RTN1: variants seen among roughly 807,000 people sequenced by gnomAD.
RTN1 encodes reticulon-1.
Under a neutral mutation model 65.5 loss-of-function variants are expected in RTN1, and 25 were observed. The observed-to-expected ratio is 0.38, with a 90% CI of 0.28 to 0.53. The LOEUF (loss-of-function observed/expected upper bound fraction) is 0.53, where lower values mean the gene tolerates loss of function less well. Among genes scored for constraint, RTN1 ranks in the 20% least tolerant of loss-of-function variants. RTN1 has a pLI of 0.79. For missense variants in RTN1, 983 were observed against 1,025.4 expected, an observed-to-expected ratio of 0.96 and a Z score of 0.57; for synonymous variants, 471 against 447.6, an observed-to-expected ratio of 1.05 and a Z score of -0.66.
At chr14:59,659,473 T>C (rs1296285274) in intron 3 of RTN1, among the ~76,000 whole-genome samples, 8 of 151,862 alleles carry the variant, frequency 5.3e-5, no homozygotes, top group South Asian at 4.2e-4. Flanking sequence ...GGAGAAAATG[T>C]TAAGGGCAGC....
At chr14:59,611,902 T>A (rs1227158132) in intron 3 of RTN1, among the ~76,000 whole-genome samples, 1 of 152,164 alleles carries the variant, frequency 6.6e-6, no homozygotes, top group Non-Finnish European at 1.5e-5. Flanking sequence ...CCAGCAGGCC[T>A]AACTCAGGGA....
At chr14:59,853,343 T>C (rs1175981997) in intron 1 of RTN1, among the ~76,000 whole-genome samples, 1 of 152,212 alleles carries the variant, frequency 6.6e-6, no homozygotes, top group Non-Finnish European at 1.5e-5. Flanking sequence ...CTCTGATGAA[T>C]ACTGAGCTCT....
Position 59,749,266 on chromosome 14 carries a change from CTATATATATA to C in RTN1, c.242-2795_242-2786del, listed in dbSNP as rs796334225. Among the ~76,000 whole-genome samples, 2 of 19,828 alleles carry C rather than the reference CTATATATATA, an allele frequency of 1.0e-4. 1 individual carries two copies. The highest frequency in any genetic ancestry group is 7.2e-4 in the African/African-American group (2 of 2,780). 13.0% of individuals were successfully genotyped at this position (19,828 alleles called of 152,430 possible). A position where few individuals can be genotyped will look rare whatever the true frequency, so the allele number is the denominator to read the frequency against. On this transcript the variant is annotated intron_variant, in intron 1 of 8. Coordinates refer to ENST00000267484, the MANE Select transcript of RTN1 (RefSeq NM_021136.3). The stretch of plus-strand genomic sequence containing the variant: ...TATATATCTATATATCTATATATAT[CTATATATATA>C]TCTATATATATCTATATATATCTAT...
At chr14:59,733,438 G>T (rs1180662536) in intron 2 of RTN1, among the ~76,000 whole-genome samples, 1 of 152,164 alleles carries the variant, frequency 6.6e-6, no homozygotes, top group Non-Finnish European at 1.5e-5. Context: ...TCCGCACTAG[G>T]CGAGGCCTCC....
Position 59,727,279 on chromosome 14 carries a change from C to G in RTN1, c.1405G>C (p.Glu469Gln). 6.6e-7 allele frequency: 1 copy of G among 1,503,808 alleles called. No individual in the cohort carries two copies. The highest frequency in any genetic ancestry group is 8.9e-7 in the Non-Finnish European group (1 of 1,125,460). 93.2% of individuals were successfully genotyped at this position (1,503,808 alleles called of 1,614,324 possible). A position where few individuals can be genotyped will look rare whatever the true frequency, so the allele number is the denominator to read the frequency against. The change falls in exon 3 of 9, where the codon GAG (glutamate) becomes CAG (glutamine). Residue 469 changes from glutamate (E) to glutamine (Q), a missense_variant. Coordinates refer to ENST00000267484, the MANE Select transcript of RTN1 (RefSeq NM_021136.3). This position sits in a 1 kb window ranked among gnomAD's most constrained non-coding sequence, Gnocchi z 4.2. ...GAGGCCGAGGAGGCGTCGCACGACT[C>G]GATGATGAGCTCGCTGTCCAGCTCG... ...EAELDSELII[E>Q]SCDASSASEE...
At chr14:59,723,524 G>A (rs977615259) in intron 3 of RTN1, among the ~76,000 whole-genome samples, 1 of 152,130 alleles carries the variant, frequency 6.6e-6, no homozygotes, top group Admixed American at 6.5e-5. Flanking sequence ...GGCTGAGACA[G>A]TAGAATGGCG....
chr14:59,613,348 G>C (rs1270627994), intron 3 of RTN1, among the ~76,000 whole-genome samples: 2 of 152,128 alleles, frequency 1.3e-5, no homozygotes, highest in African/African-American at 4.8e-5. Flanking sequence ...GCCCAGTCTG[G>C]AGTGCAGTGG....
At chr14:59,694,470 C>T (rs1489583122) in intron 3 of RTN1, among the ~76,000 whole-genome samples, 1 of 152,166 alleles carries the variant, frequency 6.6e-6, no homozygotes, top group Non-Finnish European at 1.5e-5. Context: ...AGAGATTTAT[C>T]ACAATATATT....
Position 59,870,243 on chromosome 14 carries a change from TC to T in RTN1, c.241+146del. On this transcript the variant is annotated intron_variant, in intron 1 of 8. Transcript: ENST00000267484. The surrounding 1 kb of genome is among the most constrained non-coding windows in gnomAD (Gnocchi z 5.1). Reference sequence around the variant, plus strand: ...TTGTTTTCTACCAGCCCGCGAATATTCCCAGTCGCCCGTGGCGACGCGGGGG... The same window carrying T: ...TTGTTTTCTACCAGCCCGCGAATATTCCAGTCGCCCGTGGCGACGCGGGGG... 1.4e-6 allele frequency: 1 copy of T among 729,168 alleles called. No individual in the cohort carries two copies. The highest frequency in any genetic ancestry group is 4.0e-4 in the Middle Eastern group (1 of 2,522). 45.2% of individuals were successfully genotyped at this position (729,168 alleles called of 1,614,324 possible).
At chr14:59,720,626 A>G (rs568704480) in intron 3 of RTN1, among the ~76,000 whole-genome samples, 51 of 152,002 alleles carry the variant, frequency 3.4e-4, no homozygotes, top group African/African-American at 1.1e-3. Flanking sequence ...AGTAGGCTGA[A>G]GCAGGAGAAT....
At chr14:59,819,404 CACCACCA>C (rs1886884390) in intron 1 of RTN1, among the ~76,000 whole-genome samples, 2 of 23,020 alleles carry the variant, frequency 8.7e-5, no homozygotes, top group African/African-American at 4.3e-4. Flanking sequence ...GGTGCATCCA[CACCACCA>C]CCACCCCCCC....
chr14:59,784,098 C>G lies in RTN1; in HGVS notation c.242-37617G>C, dbSNP rs139323820. On this transcript the variant is annotated intron_variant, in intron 1 of 8. Coordinates refer to ENST00000267484, the MANE Select transcript of RTN1 (RefSeq NM_021136.3). Reference sequence around the variant, plus strand: ...CTTTTTTTATATTACTGTCTTGGAACTCATTATATATTTTTATTGTTAATC... The same window carrying G: ...CTTTTTTTATATTACTGTCTTGGAAGTCATTATATATTTTTATTGTTAATC... Among the ~76,000 whole-genome samples, 454 of 152,194 alleles carry G rather than the reference C, an allele frequency of 3.0e-3. 6 individuals are homozygous for G. The highest frequency in any genetic ancestry group is 0.01 in the African/African-American group (428 of 41,514).
chr14:59,757,176 G>C (rs1369394752), intron 1 of RTN1, among the ~76,000 whole-genome samples: 1 of 152,118 alleles, frequency 6.6e-6, no homozygotes, highest in Non-Finnish European at 1.5e-5. Flanking sequence ...GATAGTATTA[G>C]GAGATGGGAC....
At chr14:59,627,257 T>C (rs1427223459) in intron 3 of RTN1, among the ~76,000 whole-genome samples, 1 of 152,182 alleles carries the variant, frequency 6.6e-6, no homozygotes, top group Non-Finnish European at 1.5e-5. Flanking sequence ...AGAAAAATCA[T>C]TGAGGAAAAA....
intron 3 of RTN1, among the ~76,000 whole-genome samples, chr14:59,661,348 C>T (rs1304461064): frequency 1.3e-5 from 2 of 150,778 alleles, no homozygotes; most frequent in East Asian, 3.9e-4. Context: ...ACCATTCCTT[C>T]TGAAACTATT....
rs923527020 is a variant in RTN1, at chr14:59,624,437, A to G, written c.1766-16945T>C. On this transcript the variant is annotated intron_variant, in intron 3 of 8. Coordinates refer to ENST00000267484, the MANE Select transcript of RTN1 (RefSeq NM_021136.3). Reference sequence around the variant, plus strand: ...ATGAGCTTAATTATAAGGCAGCCATATTTCTTTGAATGGCTGTATTTTCTT... The same window carrying G: ...ATGAGCTTAATTATAAGGCAGCCATGTTTCTTTGAATGGCTGTATTTTCTT... 1.9e-4 allele frequency among the ~76,000 whole-genome samples: 29 copies of G among 150,668 alleles called. No individual in the cohort carries two copies. The East Asian group carries it at 5.5e-3, about 28-fold the overall frequency.
At chr14:59,669,777 A>C (rs1822090137) in intron 3 of RTN1, among the ~76,000 whole-genome samples, 1 of 151,948 alleles carries the variant, frequency 6.6e-6, no homozygotes. Context: ...GTAGTGAATA[A>C]CCTTAAGGTT....
chr14:59,870,619 C>T lies in RTN1; in HGVS notation c.12G>A (p.Pro4=). Residue 4 remains proline, a synonymous_variant, in exon 1 of 9, where the codon CCG becomes CCA. Coordinates refer to ENST00000267484, the MANE Select transcript of RTN1 (RefSeq NM_021136.3). This position sits in a 1 kb window ranked among gnomAD's most constrained non-coding sequence, Gnocchi z 5.1. MAA[P]GDPQDELLPL... ...GCAGCAGCTCGTCCTGCGGATCCCC[C>T]GGCGCGGCCATGGCTGGCGGTCCCC... is the stretch of plus-strand genomic sequence containing the variant. The T allele has an allele frequency of 7.0e-7, 1 of 1,420,458 alleles. No individual in the cohort carries two copies. Among genetic ancestry groups the T allele is most frequent in the Non-Finnish European group, 9.2e-7 (1 of 1,091,424 alleles). The allele number at this position is 1,420,458 out of a possible 1,614,324, so 88.0% of individuals were successfully genotyped here.
chr14:59,692,599 G>C (rs914379219), intron 3 of RTN1, among the ~76,000 whole-genome samples: 3 of 152,044 alleles, frequency 2.0e-5, no homozygotes, highest in Non-Finnish European at 2.9e-5. Context: ...AGCCTGAAGA[G>C]CCAATGCAAT....
Sources: gnomAD v4.1 joint callset for allele counts (sites outside exome capture counted in the v4.1 genomes callset) on GRCh38, gnomAD v4.1.1 for gene constraint, Gnocchi (gnomAD v3.1) non-coding constraint, MANE v1.5 for transcripts, NCBI Gene and HGNC (gene_info 2026-07-23, HGNC 2026-07-21) for gene names.